The following PTPRT variants were observed in gnomAD, a reference collection of about 807,000 sequenced individuals.
PTPRT encodes the protein protein tyrosine phosphatase receptor type T.
PTPRT carries 56 observed loss-of-function variants against 176.8 expected under a neutral mutation model. The observed-to-expected ratio is 0.32, with a 90% CI of 0.26 to 0.40. PTPRT has a LOEUF of 0.40. Among genes scored for constraint, PTPRT ranks in the 10% least tolerant of loss-of-function variants. The pLI is 1.00. For synonymous variants in PTPRT, 783 were observed against 739.0 expected (o/e 1.06, Z -0.96); for missense variants, 1,540 against 1,908.2 (o/e 0.81, Z 3.60).
chr20:42,337,601 G>C (rs992424377), intron 11 of PTPRT, among the ~76,000 whole-genome samples: 3 of 152,146 alleles, frequency 2.0e-5, no homozygotes, highest in Admixed American at 2.0e-4. Context: ...GGGCTTCTCA[G>C]ACTGTACACA....
chr20:42,350,756 T>C (rs2058271408), intron 10 of PTPRT, 26 bp from the exon 11 acceptor site: 2 of 1,550,726 alleles, frequency 1.3e-6, no homozygotes, highest in African/African-American at 1.4e-5. Flanking sequence ...AGAGTGCAGG[T>C]GAGTTCAGCA....
At chr20:42,065,764 T>A in the PTPRT span, among the ~76,000 whole-genome samples, 2 of 152,240 alleles carry the variant, frequency 1.3e-5, no homozygotes, top group African/African-American at 4.8e-5. Flanking sequence ...AGCGGTGTAA[T>A]CTTCCTTTAT....
At chr20:42,664,966 T>G (rs2075287980) in intron 7 of PTPRT, among the ~76,000 whole-genome samples, 1 of 152,220 alleles carries the variant, frequency 6.6e-6, no homozygotes, top group Admixed American at 6.5e-5. Context: ...GATTAAAGAC[T>G]TAAATGTTAG....
At position 42,552,636 on chromosome 20, in the gene PTPRT, G is replaced by A. The variant is rs141956528; in HGVS notation, c.1154-80074C>T. On this transcript the variant is annotated intron_variant, in intron 7 of 30. Coordinates refer to ENST00000373187, the MANE Select transcript of PTPRT (RefSeq NM_007050.6). ...AGGATCATATTTTCTCATGATCCTAGGCCATCAACACATTCAAAGGCACAT... is the reference window on the plus strand; with the variant it reads ...AGGATCATATTTTCTCATGATCCTAAGCCATCAACACATTCAAAGGCACAT... Among the ~76,000 whole-genome samples, 157 of 152,090 alleles carry A rather than the reference G, an allele frequency of 1.0e-3. 1 individual carries two copies. The highest frequency in any genetic ancestry group is 3.7e-3 in the African/African-American group (154 of 41,512).
chr20:42,476,098 G>C (rs1190910171), intron 7 of PTPRT, among the ~76,000 whole-genome samples: 2 of 152,182 alleles, frequency 1.3e-5, no homozygotes, highest in African/African-American at 4.8e-5. Flanking sequence ...GTCTCAAAAG[G>C]TTGTTAATGA....
At chr20:42,732,156 C>CT (rs886796789) in intron 6 of PTPRT, among the ~76,000 whole-genome samples, 1 of 71,908 alleles carries the variant, frequency 1.4e-5, no homozygotes, top group African/African-American at 4.5e-5. Flanking sequence ...TTAAACTTTT[C>CT]TAAAAAAAAT....
At chr20:42,164,905 G>C (rs1219748807) in intron 16 of PTPRT, among the ~76,000 whole-genome samples, 1 of 152,160 alleles carries the variant, frequency 6.6e-6, no homozygotes, top group Non-Finnish European at 1.5e-5. Flanking sequence ...TAATTCTCAT[G>C]CCTTCTTCTG....
chr20:42,084,966 G>T, intron 28 of PTPRT, 121 bp from the exon 29 acceptor site: 1 of 787,348 alleles, frequency 1.3e-6, no homozygotes, highest in Non-Finnish European at 1.7e-6. Flanking sequence ...TCTAAGCCAT[G>T]TCCTCACGGG....
chr20:42,490,952 G>A (rs1262037290), intron 7 of PTPRT, among the ~76,000 whole-genome samples: 1 of 151,978 alleles, frequency 6.6e-6, no homozygotes, highest in East Asian at 1.9e-4. Context: ...CATTTAAGTT[G>A]TTTCAAGTTT....
chr20:43,048,964 C>A (rs1276691885), intron 1 of PTPRT, among the ~76,000 whole-genome samples: 3 of 152,144 alleles, frequency 2.0e-5, no homozygotes, highest in African/African-American at 7.2e-5. Flanking sequence ...ACACCCTTGG[C>A]CTGACTCCCA....
At position 42,499,786 on chromosome 20, in the gene PTPRT, C is replaced by A. The variant is rs116738242; in HGVS notation, c.1154-27224G>T. Among the ~76,000 whole-genome samples, 690 of 152,190 alleles carry A rather than the reference C, an allele frequency of 4.5e-3. 5 individuals carry two copies. Among genetic ancestry groups the A allele is most frequent in the African/African-American group, 0.016 (663 of 41,518 alleles). On this transcript the variant is annotated intron_variant, in intron 7 of 30. Transcript: ENST00000373187. ...GTCCAATATATGTATTGAAAATAAC[C>A]CTTGTATAAGTGGATGCTTTCAGTT...
At chr20:42,313,808 T>C (rs2057673188) in intron 12 of PTPRT, among the ~76,000 whole-genome samples, 1 of 152,192 alleles carries the variant, frequency 6.6e-6, no homozygotes, top group Admixed American at 6.5e-5. Flanking sequence ...GATGGACAGG[T>C]GGAAGGCAGT....
At chr20:42,050,868 C>T in the PTPRT span, among the ~76,000 whole-genome samples, 11 of 152,184 alleles carry the variant, frequency 7.2e-5, no homozygotes, top group Admixed American at 3.9e-4. Flanking sequence ...CTATTACTGA[C>T]ATGTCAAAAG....
At chr20:42,204,571 G>C (rs1403948958) in intron 15 of PTPRT, among the ~76,000 whole-genome samples, 1 of 152,192 alleles carries the variant, frequency 6.6e-6, no homozygotes, top group Non-Finnish European at 1.5e-5. Flanking sequence ...GCAATCCAAA[G>C]TTTACTGCTT....
chr20:42,904,505 C>A (rs916126471), intron 1 of PTPRT, among the ~76,000 whole-genome samples: 2 of 152,110 alleles, frequency 1.3e-5, no homozygotes, highest in African/African-American at 4.8e-5. Flanking sequence ...ACCACAGTAC[C>A]AAGGCAATGC....
chr20:42,231,302 A>C (rs1217080814), intron 15 of PTPRT, among the ~76,000 whole-genome samples: 1 of 152,208 alleles, frequency 6.6e-6, no homozygotes, highest in African/African-American at 2.4e-5. Context: ...GGGCTTAGTA[A>C]GAAGAATGGG....
chr20:42,364,046 A>G (rs567734884), intron 9 of PTPRT, among the ~76,000 whole-genome samples: 1 of 152,276 alleles, frequency 6.6e-6, no homozygotes, highest in South Asian at 2.1e-4. Context: ...GCCAAAATTA[A>G]GGTGAAATGG....
intron 6 of PTPRT, among the ~76,000 whole-genome samples, chr20:42,721,966 T>C (rs998286108): frequency 6.6e-6 from 1 of 152,234 alleles, no homozygotes; most frequent in Non-Finnish European, 1.5e-5. Flanking sequence ...CTTGATACTC[T>C]GCTGGGGCCA....
At chr20:42,957,822 A>T (rs1431477966) in intron 1 of PTPRT, among the ~76,000 whole-genome samples, 1 of 152,112 alleles carries the variant, frequency 6.6e-6, no homozygotes, top group Non-Finnish European at 1.5e-5. Context: ...AAACCTCCCA[A>T]TTACACATTA....
Sources: gnomAD v4.1 joint callset for allele counts (sites outside exome capture counted in the v4.1 genomes callset) on GRCh38, gnomAD v4.1.1 for gene constraint, MANE v1.5 for transcripts, NCBI Gene and HGNC (gene_info 2026-07-23, HGNC 2026-07-21) for gene names.